Variants in RBFOX3 observed in about 807,000 individuals in gnomAD.
RBFOX3 encodes the protein RNA binding fox-1 homolog 3.
RBFOX3 carries 17 observed loss-of-function variants against 48.7 expected under a neutral mutation model. That is an observed-to-expected ratio of 0.35 (90% confidence interval 0.24 to 0.52). The LOEUF is 0.52. Ranked by LOEUF, RBFOX3 falls within the 20% of genes least tolerant of loss-of-function variation. The pLI is 0.94. For synonymous variants in RBFOX3, 212 were observed against 209.5 expected (o/e 1.01, Z -0.10); for missense variants, 382 against 497.5 (o/e 0.77, Z 2.21).
chr17:79,144,495 A>T (rs2042612505), intron 4 of RBFOX3, among the ~76,000 whole-genome samples: 1 of 152,020 alleles, frequency 6.6e-6, no homozygotes, highest in South Asian at 2.1e-4. Flanking sequence ...CCAAGTCTAG[A>T]TGTTTCTAGA....
At chr17:79,280,537 C>T (rs1039587527) in intron 3 of RBFOX3, among the ~76,000 whole-genome samples, 1 of 152,190 alleles carries the variant, frequency 6.6e-6, no homozygotes, top group Non-Finnish European at 1.5e-5. Context: ...AGGGGCCTCA[C>T]CCCTGCCTTG....
intron 13 of RBFOX3, 30 bp from the exon 14 acceptor site, chr17:79,094,559 AGGAGGGT>A: frequency 3.7e-5 from 1 of 26,852 alleles, no homozygotes; most frequent in Non-Finnish European, 7.3e-5. Flanking sequence ...GGGGAGTGGG[AGGAGGGT>A]GGGGGAGGGG....
intron 2 of RBFOX3, among the ~76,000 whole-genome samples, chr17:79,359,155 G>A (rs1028928688): frequency 8.5e-5 from 13 of 152,170 alleles, no homozygotes; most frequent in Non-Finnish European, 1.5e-4. Context: ...GGATTTAAAC[G>A]TATCCCTAAT....
At chr17:79,295,495 C>T (rs1385536470) in intron 3 of RBFOX3, among the ~76,000 whole-genome samples, 2 of 152,198 alleles carry the variant, frequency 1.3e-5, no homozygotes, top group East Asian at 3.8e-4. Flanking sequence ...CAAGCGCCTT[C>T]CAGCTCAGGG....
intron 2 of RBFOX3, among the ~76,000 whole-genome samples, chr17:79,427,418 C>T (rs1555726145): frequency 6.6e-6 from 1 of 152,250 alleles, no homozygotes; most frequent in Non-Finnish European, 1.5e-5. Flanking sequence ...TGCAGGGGGC[C>T]TTCCCGGGCT....
intron 2 of RBFOX3, among the ~76,000 whole-genome samples, chr17:79,343,158 C>T (rs904052818): frequency 9.9e-5 from 15 of 152,170 alleles, no homozygotes; most frequent in Non-Finnish European, 1.8e-4. Context: ...TAGTACATGA[C>T]GATCTCTTCA....
chr17:79,614,084 G>GGCCC (rs2093984842), upstream of RBFOX3, among the ~76,000 whole-genome samples: 1 of 152,236 alleles, frequency 6.6e-6, no homozygotes. Context: ...GAGAAGTGGC[G>GGCCC]GCCCGCCCTC....
intron 2 of RBFOX3, among the ~76,000 whole-genome samples, chr17:79,386,424 C>T (rs1227671295): frequency 1.3e-5 from 2 of 152,228 alleles, no homozygotes; most frequent in Non-Finnish European, 2.9e-5. Flanking sequence ...CTACTTTACA[C>T]ATAGGGAAAC....
chr17:79,235,271 C>T (rs1313560652), intron 4 of RBFOX3: 3 of 152,268 alleles, frequency 2.0e-5, no homozygotes, highest in Non-Finnish European at 4.4e-5. Context: ...ACACTGGGAA[C>T]TGAGCTGGTA....
At chr17:79,645,301 A>AC in the RBFOX3 span, among the ~76,000 whole-genome samples, 5 of 135,718 alleles carry the variant, frequency 3.7e-5, no homozygotes, top group Admixed American at 3.7e-4. Flanking sequence ...GGTGTGCCCC[A>AC]CCCCTCAGTC....
intron 1 of RBFOX3, among the ~76,000 whole-genome samples, chr17:79,534,893 G>A (rs1245500122): frequency 6.6e-6 from 1 of 152,202 alleles, no homozygotes; most frequent in African/African-American, 2.4e-5. Context: ...GGTTTGACAA[G>A]TGCCCCAGAG....
chr17:79,441,481 G>A (rs1392117978), intron 2 of RBFOX3, among the ~76,000 whole-genome samples: 1 of 152,208 alleles, frequency 6.6e-6, no homozygotes, highest in African/African-American at 2.4e-5. Flanking sequence ...GCCACGTGAA[G>A]ACAGAGCAGA....
At position 79,205,017 on chromosome 17, in the gene RBFOX3, C is replaced by T. The variant is rs1204255501; in HGVS notation, c.-34+30749G>A. On this transcript the variant is annotated intron_variant, in intron 4 of 14. Coordinates refer to ENST00000693108, the MANE Select transcript of RBFOX3 (RefSeq NM_001350451.2). This position sits in a 1 kb window ranked among gnomAD's most constrained non-coding sequence, Gnocchi z 4.5. The stretch of plus-strand genomic sequence containing the variant: ...AGAGAGCAGAGAACTCCTCAGTCAT[C>T]ACAACGGGAAACTGCAGTACCATAT... 6.6e-6 allele frequency among the ~76,000 whole-genome samples: 1 copy of T among 152,134 alleles called. No individual in the cohort carries two copies. Among genetic ancestry groups the T allele is most frequent in the Non-Finnish European group, 1.5e-5 (1 of 68,034 alleles).
chr17:79,154,993 G>A (rs2045452240), intron 4 of RBFOX3, among the ~76,000 whole-genome samples: 1 of 152,208 alleles, frequency 6.6e-6, no homozygotes, highest in Admixed American at 6.5e-5. Context: ...CGGCGTCTGA[G>A]GAAGGGGTGG....
chr17:79,101,424 G>A (rs976283222), intron 9 of RBFOX3, among the ~76,000 whole-genome samples, 160 bp downstream of exon 9: 4 of 152,092 alleles, frequency 2.6e-5, no homozygotes, highest in East Asian at 1.9e-4. Context: ...TGCCCCACCC[G>A]CTTCTGACCG....
chr17:79,501,389 T>C (rs1479999235), intron 1 of RBFOX3, among the ~76,000 whole-genome samples: 2 of 152,212 alleles, frequency 1.3e-5, no homozygotes, highest in Non-Finnish European at 2.9e-5. Flanking sequence ...CTCAGGCCCT[T>C]CTTCCTGCCT....
intron 14 of RBFOX3, chr17:79,092,525 C>T (rs2074135111): frequency 2.4e-5 from 24 of 985,152 alleles, no homozygotes; most frequent in Non-Finnish European, 2.8e-5. Flanking sequence ...GTGGCTGTGC[C>T]TGGTTTTGGG....
chr17:79,174,588 A>G (rs2050127058), intron 4 of RBFOX3, among the ~76,000 whole-genome samples: 1 of 151,922 alleles, frequency 6.6e-6, no homozygotes, highest in African/African-American at 2.4e-5. Flanking sequence ...ACATTGACAC[A>G]TGCACACACC....
chr17:79,114,276 C>T (rs1186053768), intron 5 of RBFOX3, among the ~76,000 whole-genome samples: 1 of 152,202 alleles, frequency 6.6e-6, no homozygotes, highest in African/African-American at 2.4e-5. Flanking sequence ...CCTGCTTCTA[C>T]CACCCTGGGG....
Sources: gnomAD v4.1 joint callset for allele counts (sites outside exome capture counted in the v4.1 genomes callset) on GRCh38, gnomAD v4.1.1 for gene constraint, Gnocchi (gnomAD v3.1) non-coding constraint, MANE v1.5 for transcripts, NCBI Gene and HGNC (gene_info 2026-07-23, HGNC 2026-07-21) for gene names.